Variants in PLEKHG1 observed in about 807,000 individuals in gnomAD.
PLEKHG1 encodes pleckstrin homology domain-containing family G member 1.
Under a neutral mutation model 100.8 loss-of-function variants are expected in PLEKHG1, and 44 were observed. That is an observed-to-expected ratio of 0.44 (90% CI 0.34 to 0.56). The LOEUF is 0.56. PLEKHG1 is among the 20% of genes least tolerant of loss of function. PLEKHG1 has a pLI of 0.01. For synonymous variants in PLEKHG1, 640 were observed against 662.5 expected, an observed-to-expected ratio of 0.97 and a Z score of 0.52; for missense variants, 1,545 against 1,720.9, an observed-to-expected ratio of 0.90 and a Z score of 1.81.
At chr6:150,687,179 ACTTCAGTAGTCACGTAATAC>A (rs1216955522) in intron 3 of PLEKHG1, among the ~76,000 whole-genome samples, 1 of 152,188 alleles carries the variant, frequency 6.6e-6, no homozygotes, top group African/African-American at 2.4e-5. Flanking sequence ...CTAATCAAAG[ACTTCAGTAGTCACGTAATAC>A]CTTCAGTAGT....
Position 150,831,491 on chromosome 6 carries a change from G to C in PLEKHG1, c.2380G>C (p.Glu794Gln). Residue 794 changes from glutamate to glutamine, a missense_variant, in exon 15 of 16, where the codon GAG becomes CAG. By Grantham distance (29) the Glu-to-Gln change is conservative (BLOSUM62 2). Transcript: ENST00000358517. This position sits in a 1 kb window ranked among gnomAD's most constrained non-coding sequence, Gnocchi z 4.1. ...TTCCCAAGACAGCCTCCAGCTCAGT[G>C]AGGACGAAGCCCCTTACCATCAGGC... The C allele has an allele frequency of 6.2e-7, 1 of 1,614,158 alleles. No homozygotes were observed. The highest frequency in any genetic ancestry group is 8.5e-7 in the Non-Finnish European group (1 of 1,180,004).
At position 150,705,871 on chromosome 6, in the gene PLEKHG1, C is replaced by T. The variant is rs548992354; in HGVS notation, c.-98-27713C>T. Among the ~76,000 whole-genome samples, 8 of 152,270 alleles carry T rather than the reference C, an allele frequency of 5.3e-5. No individual in the cohort carries two copies. In the South Asian group the frequency reaches 6.2e-4, roughly 12 times the overall value. On this transcript the variant is annotated intron_variant, in intron 3 of 3. Coordinates refer to the PLEKHG1 transcript ENST00000367326. ...CAGAAAGAAATAAACACTGGGATGGCATGCAGGGTAGGGCTTCCCCTTTCT... is the reference window on the plus strand; with the variant it reads ...CAGAAAGAAATAAACACTGGGATGGTATGCAGGGTAGGGCTTCCCCTTTCT...
rs3072754 is a variant in PLEKHG1 at position 150,806,829 on chromosome 6, CAAAAAAAAAAA to C, written c.912+2100_912+2110del. On this transcript the variant is annotated intron_variant, in intron 7 of 15. Coordinates refer to ENST00000358517, the Ensembl canonical transcript of PLEKHG1. ...TGGGAGACAGAGCAAGACTCCATCTCAAAAAAAAAAAAAAAAAAAAAATGAAATGAAAAATT... is the reference window on the plus strand; with the variant it reads ...TGGGAGACAGAGCAAGACTCCATCTCAAAAAAAAAAATGAAATGAAAAATT... Among the ~76,000 whole-genome samples, 72 of 90,200 alleles carry C rather than the reference CAAAAAAAAAAA, an allele frequency of 8.0e-4. 1 individual carries two copies. Among genetic ancestry groups the C allele is most frequent in the African/African-American group, 2.7e-3 (68 of 25,426 alleles). 59.2% of individuals were successfully genotyped at this position (90,200 alleles called of 152,430 possible).
chr6:150,641,746 CT>C (rs1778269138), intron 2 of PLEKHG1, among the ~76,000 whole-genome samples: 1 of 151,912 alleles, frequency 6.6e-6, no homozygotes, highest in Non-Finnish European at 1.5e-5. Flanking sequence ...TTTCCCTCCC[CT>C]GAAACTGAAA....
chr6:150,789,265 G>T (rs1477388017), intron 4 of PLEKHG1, among the ~76,000 whole-genome samples: 1 of 152,104 alleles, frequency 6.6e-6, no homozygotes, highest in East Asian at 1.9e-4. Context: ...AGAACTAGAA[G>T]GAAATATCTT....
intron 1 of PLEKHG1, among the ~76,000 whole-genome samples, chr6:150,602,875 A>G (rs777135986): frequency 6.6e-6 from 1 of 152,120 alleles, no homozygotes; most frequent in Non-Finnish European, 1.5e-5. Flanking sequence ...AAAATTATAG[A>G]TCGAGACCAT....
chr6:150,681,238 T>G (rs1440238661), intron 3 of PLEKHG1, among the ~76,000 whole-genome samples: 1 of 152,116 alleles, frequency 6.6e-6, no homozygotes, highest in East Asian at 1.9e-4. Context: ...GAAAGGATAA[T>G]AGGCCGGGCG....
At chr6:150,763,109 C>T (rs531924005) in intron 2 of PLEKHG1, among the ~76,000 whole-genome samples, 1 of 139,220 alleles carries the variant, frequency 7.2e-6, no homozygotes, top group African/African-American at 2.7e-5. Flanking sequence ...CTCACTGCAA[C>T]CTCCGCATCC....
At chr6:150,804,623 A>G (rs759157091) in exon 7 of PLEKHG1, 1 of 1,588,296 alleles carries the variant, frequency 6.3e-7, no homozygotes, top group Non-Finnish European at 8.5e-7. Context: ...ATAGAAAACC[A>G]CCTTGATAAG....
At chr6:150,629,019 C>T (rs1243252296) in intron 1 of PLEKHG1, among the ~76,000 whole-genome samples, 4 of 152,110 alleles carry the variant, frequency 2.6e-5, no homozygotes, top group African/African-American at 4.8e-5. Context: ...GACTAGACCT[C>T]CATTGGCCAC....
intron 3 of PLEKHG1, among the ~76,000 whole-genome samples, chr6:150,674,636 T>C (rs1234021567): frequency 1.1e-4 from 10 of 89,274 alleles, no homozygotes; most frequent in African/African-American, 4.5e-4. Flanking sequence ...CTCCTCCCTC[T>C]CTCTCTCTCT....
At chr6:150,698,399 A>C (rs572468353) in intron 3 of PLEKHG1, among the ~76,000 whole-genome samples, 2 of 152,176 alleles carry the variant, frequency 1.3e-5, no homozygotes, top group African/African-American at 4.8e-5. Flanking sequence ...AAAGATACCA[A>C]TGTTGATCAC....
chr6:150,831,003 T>G lies in PLEKHG1; in HGVS notation c.1892T>G (p.Leu631Arg). ...GGAACTAGTGACAGAACTAGGGAACTGCAGAACAGCCCCAAAACAGAAGGG... is the reference window on the plus strand; with the variant it reads ...GGAACTAGTGACAGAACTAGGGAACGGCAGAACAGCCCCAAAACAGAAGGG... Residue 631 changes from leucine to arginine, a missense_variant, in exon 15 of 16, where the codon CTG becomes CGG. Transcript: ENST00000358517. The surrounding 1 kb of genome is among the most constrained non-coding windows in gnomAD (Gnocchi z 4.1). 1 of 1,614,070 alleles carries G rather than the reference T, an allele frequency of 6.2e-7. No homozygotes were observed. The highest frequency in any genetic ancestry group is 8.5e-7 in the Non-Finnish European group (1 of 1,179,988).
chr6:150,676,648 GAC>G (rs2128587460), intron 3 of PLEKHG1, among the ~76,000 whole-genome samples: 1 of 152,228 alleles, frequency 6.6e-6, no homozygotes, highest in South Asian at 2.1e-4. Flanking sequence ...AGATGAAGGA[GAC>G]AGATTCTACC....
intron 2 of PLEKHG1, among the ~76,000 whole-genome samples, chr6:150,759,866 T>A (rs940325885): frequency 6.6e-6 from 1 of 151,916 alleles, no homozygotes; most frequent in East Asian, 1.9e-4. Flanking sequence ...AGTGTGGTGG[T>A]GTGAGCCTAT....
Position 150,723,275 on chromosome 6 carries a change from C to T in PLEKHG1, c.-99+2075C>T, listed in dbSNP as rs142930610. Among the ~76,000 whole-genome samples the T allele has an allele frequency of 7.0e-3, 1,066 of 152,266 alleles. 12 individuals carry two copies. The highest frequency in any genetic ancestry group is 0.037 in the Middle Eastern group (11 of 294). On this transcript the variant is annotated intron_variant, in intron 1 of 15. Coordinates refer to ENST00000358517, the Ensembl canonical transcript of PLEKHG1. ...GCAGAGCCAGGGCAAACATGCAAAT[C>T]CTCTGACCAAAAGGGAGTATTAGGA...
chr6:150,767,985 G>C (rs570728235), intron 2 of PLEKHG1, among the ~76,000 whole-genome samples: 14 of 152,148 alleles, frequency 9.2e-5, no homozygotes, highest in Non-Finnish European at 2.1e-4. Flanking sequence ...TTTCTCAACA[G>C]TTCAAATAAC....
intron 5 of PLEKHG1, among the ~76,000 whole-genome samples, chr6:150,797,982 A>C (rs1786457047): frequency 6.6e-6 from 1 of 152,000 alleles, no homozygotes. Flanking sequence ...AAATAAATAA[A>C]TAGAACCACA....
In PLEKHG1 at chr6:150,831,197, AC is replaced by A. The variant is rs994258347; in HGVS notation, c.2090del (p.Pro697GlnfsTer3). ...CAGGGACTCCGTTCGCCCCAAGAGC[AC>A]CCCAGAGTTAGCCTTCACAAAGAGG... On this transcript the variant is annotated frameshift_variant, in exon 15 of 16. Coordinates refer to ENST00000358517, the Ensembl canonical transcript of PLEKHG1. LOFTEE classifies it high-confidence loss of function. This position sits in a 1 kb window ranked among gnomAD's most constrained non-coding sequence, Gnocchi z 4.1. 6.2e-7 allele frequency: 1 copy of A among 1,614,102 alleles called. No individual in the cohort carries two copies. The highest frequency in any genetic ancestry group is 8.5e-7 in the Non-Finnish European group (1 of 1,180,000).
Sources: allele counts gnomAD v4.1 joint callset (sites outside exome capture counted in the v4.1 genomes callset), GRCh38; gene constraint gnomAD v4.1.1; non-coding constraint Gnocchi (gnomAD v3.1); transcripts MANE v1.5; gene names NCBI Gene and HGNC (gene_info 2026-07-23, HGNC 2026-07-21).